The following OPCML variants were observed in gnomAD, a reference collection of about 807,000 sequenced individuals.
The protein encoded by OPCML is opioid binding protein/cell adhesion molecule like.
OPCML carries 13 observed loss-of-function variants against 37.8 expected under a neutral mutation model. The ratio of observed to expected loss-of-function variants is 0.34; its 90% CI spans 0.22 to 0.55. OPCML has a LOEUF of 0.55. Ranked by LOEUF, OPCML falls within the 20% of genes least tolerant of loss-of-function variation. The pLI is 0.91. For missense variants in OPCML, 341 were observed against 435.6 expected (o/e 0.78, Z 1.93); for synonymous variants, 176 against 168.8 (o/e 1.04, Z -0.33).
intron 1 of OPCML, among the ~76,000 whole-genome samples, chr11:133,433,854 A>G (rs531897740): frequency 6.6e-6 from 1 of 152,242 alleles, no homozygotes; most frequent in African/African-American, 2.4e-5. Flanking sequence ...GCTTTAGCTC[A>G]TATCCACACA....
At chr11:133,048,511 T>C (rs1948065446) in intron 1 of OPCML, among the ~76,000 whole-genome samples, 1 of 152,182 alleles carries the variant, frequency 6.6e-6, no homozygotes, top group African/African-American at 2.4e-5. Context: ...ACCTACTGGA[T>C]AAAGAGCTGT....
chr11:132,475,796 T>C (rs2096153266), intron 4 of OPCML, among the ~76,000 whole-genome samples: 1 of 152,234 alleles, frequency 6.6e-6, no homozygotes, highest in Non-Finnish European at 1.5e-5. Flanking sequence ...AGAAAACTCA[T>C]GTAACATGCA....
chr11:132,620,205 A>G (rs1238391229), intron 3 of OPCML, among the ~76,000 whole-genome samples: 1 of 152,226 alleles, frequency 6.6e-6, no homozygotes. Context: ...TTCACAAAGA[A>G]TGAATCCAAG....
intron 1 of OPCML, among the ~76,000 whole-genome samples, chr11:132,988,071 A>C (rs1215468631): frequency 6.6e-6 from 1 of 152,206 alleles, no homozygotes; most frequent in African/African-American, 2.4e-5. Flanking sequence ...CACAACAATA[A>C]AACAAGGACA....
chr11:133,079,401 G>A lies in OPCML; in HGVS notation c.62-136391C>T, dbSNP rs141377985. ...TTTTTGATGGGCAGCTGGAGTAGATGGTGCTTCAGATGATTTATAAGCATT... is the reference window on the plus strand; with the variant it reads ...TTTTTGATGGGCAGCTGGAGTAGATAGTGCTTCAGATGATTTATAAGCATT... On this transcript the variant is annotated intron_variant, in intron 1 of 7. Transcript: ENST00000524381. 3.3e-5 allele frequency among the ~76,000 whole-genome samples: 5 copies of A among 152,070 alleles called. No individual in the cohort carries two copies. The East Asian group carries it at 9.7e-4, about 29-fold the overall frequency.
chr11:132,947,799 T>G (rs777486809), intron 1 of OPCML, among the ~76,000 whole-genome samples: 4 of 152,340 alleles, frequency 2.6e-5, no homozygotes, highest in Middle Eastern at 3.4e-3. Flanking sequence ...ATTAACATCA[T>G]GACTAAGAGT....
chr11:133,484,037 G>C (rs1344333582), intron 1 of OPCML, among the ~76,000 whole-genome samples: 2 of 46,708 alleles, frequency 4.3e-5, no homozygotes, highest in Non-Finnish European at 1.1e-4. Flanking sequence ...AGATTAGATA[G>C]ATAGATAGAT....
At chr11:132,782,943 A>ATATATATATG (rs1555188334) in intron 2 of OPCML, among the ~76,000 whole-genome samples, 2 of 140,572 alleles carry the variant, frequency 1.4e-5, no homozygotes, top group African/African-American at 5.1e-5. Context: ...ATATATATAT[A>ATATATATATG]TATGTATGTA....
intron 3 of OPCML, among the ~76,000 whole-genome samples, chr11:132,606,730 G>A (rs1331851583): frequency 1.3e-5 from 2 of 152,142 alleles, no homozygotes; most frequent in Non-Finnish European, 2.9e-5. Flanking sequence ...CTGAAGTTAG[G>A]AGATGGCGAA....
chr11:132,665,747 A>G (rs906694633), intron 2 of OPCML, among the ~76,000 whole-genome samples: 2 of 152,200 alleles, frequency 1.3e-5, no homozygotes, highest in South Asian at 2.1e-4. Flanking sequence ...TCCACAGGGT[A>G]TGTTGAGGAG....
chr11:133,232,622 A>G (rs1940328387), intron 1 of OPCML, among the ~76,000 whole-genome samples: 1 of 152,218 alleles, frequency 6.6e-6, no homozygotes, highest in Non-Finnish European at 1.5e-5. Context: ...TATGTGACAC[A>G]GCACATGCAC....
At position 133,170,578 on chromosome 11, in the gene OPCML, G is replaced by A. The variant is rs191973731; in HGVS notation, c.62-227568C>T. Among the ~76,000 whole-genome samples, 502 of 152,108 alleles carry A rather than the reference G, an allele frequency of 3.3e-3. 5 individuals carry two copies. The highest frequency in any genetic ancestry group is 0.012 in the African/African-American group (491 of 41,540). On this transcript the variant is annotated intron_variant, in intron 1 of 7. Coordinates refer to ENST00000524381, the MANE Select transcript of OPCML (RefSeq NM_001012393.5). ...GAAAAAGAAATCCAGTTGTGAGTGG[G>A]GGTTAGCTTCTCCAGATTCAGCAAA... is the stretch of plus-strand genomic sequence containing the variant.
intron 1 of OPCML, among the ~76,000 whole-genome samples, chr11:132,945,997 T>G (rs976268728): frequency 1.3e-5 from 2 of 152,202 alleles, no homozygotes; most frequent in Admixed American, 6.5e-5. Context: ...TTAGTCAGGA[T>G]GGTTTCGATC....
intron 1 of OPCML, among the ~76,000 whole-genome samples, chr11:133,011,288 CAGA>C (rs1240481745): frequency 1.3e-5 from 2 of 152,140 alleles, no homozygotes; most frequent in Non-Finnish European, 2.9e-5. Context: ...TCAACTTCCA[CAGA>C]AGAAGAAATT....
chr11:132,941,955 T>C (rs1945592714), intron 2 of OPCML, among the ~76,000 whole-genome samples: 1 of 152,114 alleles, frequency 6.6e-6, no homozygotes, highest in African/African-American at 2.4e-5. Context: ...GCCAGGCATT[T>C]TGGCTGCAGA....
chr11:132,896,208 T>C (rs544435751), intron 2 of OPCML, among the ~76,000 whole-genome samples: 195 of 152,126 alleles, frequency 1.3e-3, no homozygotes, highest in Non-Finnish European at 2.0e-3. Flanking sequence ...CTTAGGGAGA[T>C]TGGAAAGCTA....
chr11:133,346,479 GA>G (rs1342095761), intron 1 of OPCML, among the ~76,000 whole-genome samples: 1 of 152,218 alleles, frequency 6.6e-6, no homozygotes, highest in Non-Finnish European at 1.5e-5. Flanking sequence ...CAGAAGAATA[GA>G]AATGCAAATG....
At chr11:132,514,201 T>G (rs961453313) in intron 4 of OPCML, among the ~76,000 whole-genome samples, 12 of 152,164 alleles carry the variant, frequency 7.9e-5, no homozygotes, top group Non-Finnish European at 1.8e-4. Flanking sequence ...TAAAGGATGA[T>G]TTTGGTGATA....
chr11:132,471,561 C>T (rs977042179), intron 4 of OPCML, among the ~76,000 whole-genome samples: 2 of 152,144 alleles, frequency 1.3e-5, no homozygotes, highest in African/African-American at 4.8e-5. Context: ...GGCTCACTCT[C>T]GCAACTGGAA....
Sources: allele counts gnomAD v4.1 joint callset (sites outside exome capture counted in the v4.1 genomes callset), GRCh38; gene constraint gnomAD v4.1.1; transcripts MANE v1.5; gene names NCBI Gene and HGNC (gene_info 2026-07-23, HGNC 2026-07-21).